The following CCNY variants were observed in gnomAD, a reference collection of about 807,000 sequenced individuals.
CCNY encodes the protein cyclin Y.
In CCNY, 19 loss-of-function variants were observed where a neutral mutation model predicts 42.8. That is an observed-to-expected ratio of 0.44 (90% CI 0.31 to 0.65). The LOEUF is 0.65. Ranked by LOEUF, CCNY falls within the 30% of genes least tolerant of loss-of-function variation. CCNY has a pLI of 0.07. For synonymous variants in CCNY, 165 were observed against 162.7 expected, an observed-to-expected ratio of 1.01 and a Z score of -0.11; for missense variants, 370 against 437.3, an observed-to-expected ratio of 0.85 and a Z score of 1.37.
At chr10:35,451,647 C>T (rs951716852) in intron 1 of CCNY, among the ~76,000 whole-genome samples, 7 of 152,174 alleles carry the variant, frequency 4.6e-5, no homozygotes, top group Admixed American at 3.3e-4. Context: ...TGTTACCAGG[C>T]GGGTTGAGAA....
At chr10:35,554,831 T>C (rs1042258106) in intron 8 of CCNY, among the ~76,000 whole-genome samples, 6 of 152,130 alleles carry the variant, frequency 3.9e-5, no homozygotes, top group Non-Finnish European at 7.3e-5. Flanking sequence ...CAAATGCAAA[T>C]TGCAGATACC....
At position 35,382,283 on chromosome 10, in the gene CCNY, T is replaced by C. The variant is rs572487972; in HGVS notation, c.154+45076T>C. On this transcript the variant is annotated intron_variant, in intron 1 of 9. Transcript: ENST00000374704. ...TTGGTACAGCTTTGTCTCACTTTGA[T>C]ATTTGTCAAGCTTCAGGCCTGTCTG... is the stretch of plus-strand genomic sequence containing the variant. 7.2e-5 allele frequency among the ~76,000 whole-genome samples: 11 copies of C among 152,324 alleles called. No homozygotes were observed. The East Asian group carries it at 1.7e-3, about 24-fold the overall frequency.
At chr10:35,389,439 C>CTTTT (rs1365155125) in intron 1 of CCNY, among the ~76,000 whole-genome samples, 4 of 120,566 alleles carry the variant, frequency 3.3e-5, no homozygotes, top group African/African-American at 9.5e-5. Flanking sequence ...GAAAACTGTG[C>CTTTT]TTTTTTTTTT....
At chr10:35,307,819 T>TA (rs1491097899) in intron 3 of CCNY, among the ~76,000 whole-genome samples, 3,347 of 33,408 alleles carry the variant, frequency 0.1, 90 homozygotes, top group Non-Finnish European at 0.11. Context: ...TATATATATA[T>TA]TTTTTTTTTT....
chr10:35,508,707 T>A (rs968880254), intron 3 of CCNY, among the ~76,000 whole-genome samples: 8 of 152,246 alleles, frequency 5.3e-5, no homozygotes, highest in Admixed American at 5.2e-4. Context: ...CCTTGGCCTT[T>A]GACTTTTTAA....
rs756316831 is a variant in CCNY at position 35,501,516 on chromosome 10, A to G, written c.245A>G (p.Lys82Arg). 1 of 1,614,028 alleles carries G rather than the reference A, an allele frequency of 6.2e-7. No individual in the cohort carries two copies. Among genetic ancestry groups the G allele is most frequent in the South Asian group, 1.1e-5 (1 of 91,080 alleles). ...GTTTTCACAGTGAGAGAAAAACGCA[A>G]GAGTCTCTTCATTAACCATGTAAGT... is the stretch of plus-strand genomic sequence containing the variant. Reference protein sequence around the residue: ...KSQTDVREKRKSLFINHHPPG... With the variant: ...KSQTDVREKRRSLFINHHPPG... The change falls in exon 3 of 10, where the codon AAG becomes AGG. Residue 82 changes from lysine (K) to arginine (R), a missense_variant. This residue lies in a region of CCNY where 136 missense variants were observed against 124.2 expected (regional missense o/e 1.09). Transcript: ENST00000374704.
intron 1 of CCNY, among the ~76,000 whole-genome samples, chr10:35,392,490 C>A (rs1437736061): frequency 6.6e-6 from 1 of 152,258 alleles, no homozygotes; most frequent in East Asian, 1.9e-4. Flanking sequence ...ATGAGGAGGT[C>A]CAGTCCTGCT....
At chr10:35,417,286 G>A (rs367569259) in intron 1 of CCNY, among the ~76,000 whole-genome samples, 2 of 152,212 alleles carry the variant, frequency 1.3e-5, no homozygotes, top group Non-Finnish European at 2.9e-5. Context: ...GCCTTTCAGG[G>A]AGTAAGAGGA....
chr10:35,487,597 A>G (rs979098908), intron 2 of CCNY, among the ~76,000 whole-genome samples: 1 of 152,098 alleles, frequency 6.6e-6, no homozygotes, highest in African/African-American at 2.4e-5. Flanking sequence ...TTCCTTCTGG[A>G]TATCCAAGAG....
chr10:35,346,217 A>C (rs1387348578), intron 1 of CCNY, among the ~76,000 whole-genome samples: 2 of 152,196 alleles, frequency 1.3e-5, no homozygotes, highest in Non-Finnish European at 2.9e-5. Context: ...TCTTTTAGGA[A>C]AGGAATCTAA....
At chr10:35,423,852 C>T (rs1297367413) in intron 1 of CCNY, among the ~76,000 whole-genome samples, 1 of 152,198 alleles carries the variant, frequency 6.6e-6, no homozygotes, top group Admixed American at 6.5e-5. Flanking sequence ...CCGAAGGTCA[C>T]TTACTTTTCA....
intron 1 of CCNY, among the ~76,000 whole-genome samples, chr10:35,482,109 A>T (rs1589150282): frequency 6.6e-6 from 1 of 152,364 alleles, no homozygotes; most frequent in East Asian, 1.9e-4. Flanking sequence ...TGGCTGATGT[A>T]GGAAAAAAAT....
chr10:35,363,780 G>C (rs1044935409), intron 1 of CCNY, among the ~76,000 whole-genome samples: 10 of 152,146 alleles, frequency 6.6e-5, no homozygotes, highest in African/African-American at 2.4e-4. Flanking sequence ...AATCATTGTT[G>C]AAAGAGTGAG....
chr10:35,494,343 TCAGC>T (rs1378664938), intron 2 of CCNY, among the ~76,000 whole-genome samples: 6 of 151,532 alleles, frequency 4.0e-5, no homozygotes, highest in Admixed American at 2.6e-4. Context: ...TGAAATTATA[TCAGC>T]CAGCATTTGA....
At chr10:35,505,303 A>G (rs1840193300) in intron 3 of CCNY, among the ~76,000 whole-genome samples, 2 of 152,150 alleles carry the variant, frequency 1.3e-5, no homozygotes, top group African/African-American at 2.4e-5. Flanking sequence ...TGAAAACAGA[A>G]TGAATGAGGA....
chr10:35,501,886 A>G (rs1229129888), intron 3 of CCNY, among the ~76,000 whole-genome samples: 2 of 152,136 alleles, frequency 1.3e-5, no homozygotes, highest in East Asian at 3.8e-4. Context: ...TTTCTCTTGT[A>G]GCTCAGTTCC....
rs546317402 is a variant in CCNY at position 35,356,049 on chromosome 10, T to G, written c.154+18842T>G. Among the ~76,000 whole-genome samples the G allele has an allele frequency of 1.3e-4, 20 of 152,306 alleles. No individual in the cohort carries two copies. In the East Asian group the frequency reaches 3.3e-3, roughly 25 times the overall value. ...TAGATGACAAAGATGCAGAAAAGGTTTTTATTTTCATTTTTGCATGCTTGT... is the reference window on the plus strand; with the variant it reads ...TAGATGACAAAGATGCAGAAAAGGTGTTTATTTTCATTTTTGCATGCTTGT... On this transcript the variant is annotated intron_variant, in intron 1 of 9. Transcript: ENST00000374704.
At chr10:35,471,796 T>C (rs949504880) in intron 1 of CCNY, among the ~76,000 whole-genome samples, 4 of 152,228 alleles carry the variant, frequency 2.6e-5, no homozygotes, top group Non-Finnish European at 4.4e-5. Context: ...GCTAAGACTC[T>C]GCTTCCTAAA....
At chr10:35,473,744 T>G (rs191549661) in intron 1 of CCNY, among the ~76,000 whole-genome samples, 43 of 152,370 alleles carry the variant, frequency 2.8e-4, no homozygotes, top group Non-Finnish European at 5.4e-4. Context: ...TTACTTTTAA[T>G]TTTTGTCATT....
Sources: gnomAD v4.1 joint callset for allele counts (sites outside exome capture counted in the v4.1 genomes callset) on GRCh38, gnomAD v4.1.1 for gene constraint, gnomAD v4.1.1 regional missense constraint, MANE v1.5 for transcripts, NCBI Gene and HGNC (gene_info 2026-07-23, HGNC 2026-07-21) for gene names.